VIT: variants seen among roughly 807,000 people sequenced by gnomAD.
VIT encodes the protein vitrin.
In VIT, 99 loss-of-function variants were observed where a neutral mutation model predicts 78.0. That is an observed-to-expected ratio of 1.27 (90% confidence interval 1.08 to 1.50). The LOEUF is 1.50. Among genes scored for constraint, VIT ranks in the 40% most tolerant of loss-of-function variants. The pLI is 0.00. For missense variants in VIT, 1,126 were observed against 875.3 expected (o/e 1.29, Z -3.61); for synonymous variants, 374 against 334.3 (o/e 1.12, Z -1.29).
At chr2:36,746,763 T>C (rs1668161054) in intron 4 of VIT, among the ~76,000 whole-genome samples, 1 of 152,154 alleles carries the variant, frequency 6.6e-6, no homozygotes, top group Non-Finnish European at 1.5e-5. Flanking sequence ...TTTGGTTTCA[T>C]TGATGTTTTA....
At chr2:36,781,801 G>T in intron 10 of VIT, 30 bp downstream of exon 10, 4 of 1,613,702 alleles carry the variant, frequency 2.5e-6, no homozygotes, top group East Asian at 2.2e-5. Flanking sequence ...TCTCAGCCAC[G>T]CGTGGATCAA....
chr2:36,808,093 T>G lies in VIT; in HGVS notation c.1390-379T>G, dbSNP rs754560563. On this transcript the variant is annotated intron_variant, in intron 14 of 15. Transcript: ENST00000379242. Reference sequence around the variant, plus strand: ...TCCGAACTGGAATAAAAGCTTTCTTTAGTCCTCTCATGCCATGGTACCCAC... The same window carrying G: ...TCCGAACTGGAATAAAAGCTTTCTTGAGTCCTCTCATGCCATGGTACCCAC... 5.9e-5 allele frequency among the ~76,000 whole-genome samples: 9 copies of G among 152,360 alleles called. 1 individual carries two copies. The highest frequency in any genetic ancestry group is 2.1e-4 in the South Asian group (1 of 4,828).
chr2:36,725,336 G>A (rs979427693), intron 2 of VIT, among the ~76,000 whole-genome samples: 2 of 152,124 alleles, frequency 1.3e-5, no homozygotes, highest in Non-Finnish European at 2.9e-5. Context: ...ATTTCTAACC[G>A]TTGTGGAGGC....
chr2:36,759,525 T>G, intron 6 of VIT: 1 of 1,111,172 alleles, frequency 9.0e-7, no homozygotes, highest in Non-Finnish European at 1.1e-6. Context: ...TCAGCTTTCA[T>G]GTGAACCACA....
rs1261171889 is a variant in VIT at position 36,751,915 on chromosome 2, A to C, written c.276-3006A>C. Among the ~76,000 whole-genome samples the C allele has an allele frequency of 2.6e-5, 4 of 152,202 alleles. No homozygotes were observed. The East Asian group carries it at 7.7e-4, about 29-fold the overall frequency. On this transcript the variant is annotated intron_variant, in intron 4 of 15. Coordinates refer to ENST00000379242, the MANE Select transcript of VIT (RefSeq NM_053276.4). ...GGAAGCTATCTGTTTTGTTTTTCAC[A>C]AACAGTGCAAATCTGTTTTCAGAAG... is the stretch of plus-strand genomic sequence containing the variant.
At chr2:36,783,434 GTCTTTGA>G (rs752908076) in intron 11 of VIT, 32 bp downstream of exon 11, 2 of 1,609,186 alleles carry the variant, frequency 1.2e-6, no homozygotes, top group Non-Finnish European at 1.7e-6. Context: ...AACCCACGGT[GTCTTTGA>G]CATCTGAACT....
chr2:36,743,226 A>G lies in VIT; in HGVS notation c.245A>G (p.Tyr82Cys). The G allele has an allele frequency of 1.2e-6, 2 of 1,613,962 alleles. No individual in the cohort carries two copies. The highest frequency in any genetic ancestry group is 1.7e-6 in the Non-Finnish European group (2 of 1,179,904). The change falls in exon 4 of 16, where the codon TAC (tyrosine) becomes TGC (cysteine). Residue 82 changes from tyrosine (Y) to cysteine (C), a missense_variant. Transcript: ENST00000379242. ...HVYGTDVYAS[Y>C]SSVCGAAVHS... ...TATGGCACTGACGTGTATGCATCCT[A>G]CTCCAGTGTGTGTGGCGCTGCCGTA...
intron 1 of VIT, among the ~76,000 whole-genome samples, chr2:36,713,128 G>A (rs765669647): frequency 6.6e-6 from 1 of 152,190 alleles, no homozygotes; most frequent in East Asian, 1.9e-4. Context: ...AAGGGATAGG[G>A]TATATTCATT....
At chr2:36,726,977 A>AT (rs1666896256) in intron 2 of VIT, among the ~76,000 whole-genome samples, 1 of 152,082 alleles carries the variant, frequency 6.6e-6, no homozygotes, top group African/African-American at 2.4e-5. Context: ...CAGACTTTAA[A>AT]TTAGAAAGGA....
intron 14 of VIT, among the ~76,000 whole-genome samples, 154 bp from the exon 15 acceptor site, chr2:36,808,318 C>T (rs1322375200): frequency 6.6e-5 from 10 of 152,202 alleles, no homozygotes; most frequent in African/African-American, 2.4e-4. Flanking sequence ...TGAGTGGCCG[C>T]TGGGTGAACC....
intron 3 of VIT, among the ~76,000 whole-genome samples, chr2:36,731,283 T>A (rs1203812081): frequency 6.6e-6 from 1 of 152,076 alleles, no homozygotes; most frequent in Non-Finnish European, 1.5e-5. Flanking sequence ...TTTTATTTTA[T>A]TTTATTTTTG....
rs1478301067 is a variant in VIT, at chr2:36,773,772, CA to C, written c.680-18del. The C allele has an allele frequency of 1.3e-6, 2 of 1,562,928 alleles. No homozygotes were observed. The highest frequency in any genetic ancestry group is 1.7e-6 in the Non-Finnish European group (2 of 1,153,352). ...AATTAAATAAAATTCATGCTCTGAC[CA>C]GTCAAATGTCCTTACAGATCTCTGG... On this transcript the variant is annotated intron_variant, in intron 7 of 15. Transcript: ENST00000379242.
chr2:36,814,146 T>A (rs181757629), intron 15 of VIT, 37 bp from the exon 16 acceptor site: 1 of 1,599,078 alleles, frequency 6.3e-7, no homozygotes, highest in East Asian at 2.2e-5. Flanking sequence ...GCACCTTTAC[T>A]TGGGGACATT....
In VIT at chr2:36,747,990, C is replaced by G. The variant is rs532276879; in HGVS notation, c.275+4734C>G. Among the ~76,000 whole-genome samples, 4 of 152,266 alleles carry G rather than the reference C, an allele frequency of 2.6e-5. No homozygotes were observed. In the South Asian group the frequency reaches 8.3e-4, roughly 32 times the overall value. On this transcript the variant is annotated intron_variant, in intron 4 of 15. Transcript: ENST00000379242. ...TTTCTCCTTTGCTTATGAAGCTTAG[C>G]TTGGCAGAATACGAAATTTTTGTTG...
chr2:36,775,144 C>A, intron 9 of VIT, 77 bp downstream of exon 9: 1 of 1,544,230 alleles, frequency 6.5e-7, no homozygotes, highest in East Asian at 2.3e-5. Context: ...AGGACCTCCC[C>A]ACACACTTGT....
intron 5 of VIT, among the ~76,000 whole-genome samples, chr2:36,758,585 G>A (rs144434694): frequency 5.5e-4 from 84 of 152,280 alleles, no homozygotes; most frequent in Non-Finnish European, 6.9e-4. Context: ...GCCTATGACC[G>A]GAGCACTCCA....
chr2:36,767,391 A>G, intron 7 of VIT, 106 bp downstream of exon 7: 1 of 1,162,040 alleles, frequency 8.6e-7, no homozygotes, highest in South Asian at 2.4e-5. Flanking sequence ...AATGGGGAGC[A>G]CTGGAGAACT....
intron 1 of VIT, among the ~76,000 whole-genome samples, chr2:36,703,086 C>T (rs953838413): frequency 3.3e-5 from 5 of 152,284 alleles, no homozygotes; most frequent in South Asian, 4.1e-4. Context: ...ACCAAGTCCA[C>T]GGAGGCAGAC....
intron 3 of VIT, among the ~76,000 whole-genome samples, chr2:36,732,695 T>C (rs760546242): frequency 9.2e-5 from 14 of 152,190 alleles, no homozygotes; most frequent in Non-Finnish European, 1.5e-4. Flanking sequence ...ACTCGATCTA[T>C]GCCCTCACAG....
Sources: allele counts gnomAD v4.1 joint callset (sites outside exome capture counted in the v4.1 genomes callset), GRCh38; gene constraint gnomAD v4.1.1; transcripts MANE v1.5; gene names NCBI Gene and HGNC (gene_info 2026-07-23, HGNC 2026-07-21).